Variants in RBFOX1 observed in about 807,000 individuals in gnomAD.
RBFOX1 encodes the protein RNA binding protein fox-1 homolog 1.
A neutral mutation model predicts 57.7 loss-of-function variants in RBFOX1; 8 were observed. The observed-to-expected ratio is 0.14, with a 90% CI of 0.08 to 0.25. The LOEUF (loss-of-function observed/expected upper bound fraction) is 0.25, where lower values mean the gene tolerates loss of function less well. RBFOX1 is among the 10% of genes least tolerant of loss of function. The pLI, the probability that RBFOX1 is intolerant of heterozygous loss-of-function variation, is 1.00. For missense variants in RBFOX1, 611 were observed against 548.5 expected, an observed-to-expected ratio of 1.11 and a Z score of -1.14; for synonymous variants, 326 against 222.4, an observed-to-expected ratio of 1.47 and a Z score of -4.15.
chr16:7,425,852 T>C (rs1598148665), intron 4 of RBFOX1, among the ~76,000 whole-genome samples: 1 of 152,228 alleles, frequency 6.6e-6, no homozygotes, highest in Non-Finnish European at 1.5e-5. Context: ...AATTTGTTTC[T>C]ATTTTACATG....
chr16:6,454,480 C>A (rs2094710493), intron 2 of RBFOX1, among the ~76,000 whole-genome samples: 1 of 152,088 alleles, frequency 6.6e-6, no homozygotes, highest in Non-Finnish European at 1.5e-5. Flanking sequence ...TCACCTGAGC[C>A]TGGGGAGATC....
At chr16:5,883,496 A>G (rs1281444407) in intron 4 of RBFOX1, among the ~76,000 whole-genome samples, 2 of 144,896 alleles carry the variant, frequency 1.4e-5, no homozygotes, top group Non-Finnish European at 3.0e-5. Context: ...TCTCGGAGGA[A>G]CCTGCAATCC....
chr16:7,298,294 T>TG (rs202232705), intron 4 of RBFOX1, among the ~76,000 whole-genome samples: 3,517 of 147,314 alleles, frequency 0.024, 60 homozygotes, highest in Non-Finnish European at 0.038. Context: ...TGTTTTTTTT[T>TG]TTTTTTTTTT....
intron 4 of RBFOX1, among the ~76,000 whole-genome samples, chr16:7,309,613 G>A (rs527918802): frequency 3.3e-5 from 5 of 152,144 alleles, no homozygotes; most frequent in Admixed American, 6.5e-5. Context: ...ATGGACTGAG[G>A]GTAGACAGTC....
At position 5,300,893 on chromosome 16, in the gene RBFOX1, A is replaced by G. The variant is rs771336738; in HGVS notation, c.219+60788A>G. 7.7e-4 allele frequency among the ~76,000 whole-genome samples: 117 copies of G among 152,230 alleles called. 1 individual carries two copies. The highest frequency in any genetic ancestry group is 1.3e-3 in the Non-Finnish European group (90 of 68,010). ...TGATGTCCTCTCTTTAATTGCTGGA[A>G]TTAGTAATTTGTGTGTTTCTTTCTG... On this transcript the variant is annotated intron_variant, in intron 1 of 2. Transcript: ENST00000585867.
At chr16:6,266,946 G>A (rs549903389) in intron 1 of RBFOX1, among the ~76,000 whole-genome samples, 1 of 152,098 alleles carries the variant, frequency 6.6e-6, no homozygotes, top group Non-Finnish European at 1.5e-5. Context: ...CTTATGATTG[G>A]CATTCAGTAA....
chr16:6,879,083 A>G (rs1213434168), intron 3 of RBFOX1, among the ~76,000 whole-genome samples: 4 of 152,206 alleles, frequency 2.6e-5, no homozygotes, highest in African/African-American at 9.6e-5. Flanking sequence ...GTTTTCAGAA[A>G]GCCAATGAGC....
At chr16:6,364,499 G>C (rs913081723) in intron 2 of RBFOX1, among the ~76,000 whole-genome samples, 1 of 152,140 alleles carries the variant, frequency 6.6e-6, no homozygotes, top group African/African-American at 2.4e-5. Flanking sequence ...TCTGTTCTCT[G>C]TTGGTCCCTG....
intron 3 of RBFOX1, among the ~76,000 whole-genome samples, chr16:6,702,849 A>T (rs1317504855): frequency 6.6e-6 from 1 of 152,206 alleles, no homozygotes; most frequent in East Asian, 1.9e-4. Context: ...TTGTTGTGCG[A>T]CCATCACCAC....
chr16:5,340,796 A>G (rs757443582), intron 1 of RBFOX1, among the ~76,000 whole-genome samples: 25 of 152,226 alleles, frequency 1.6e-4, no homozygotes, highest in Non-Finnish European at 3.2e-4. Context: ...AGACAGATCA[A>G]TTTCCTATTC....
chr16:7,210,889 A>G (rs2090992412), intron 4 of RBFOX1, among the ~76,000 whole-genome samples: 1 of 152,072 alleles, frequency 6.6e-6, no homozygotes, highest in Non-Finnish European at 1.5e-5. Flanking sequence ...CCAAAAGGGT[A>G]GATTCTAGGT....
intron 4 of RBFOX1, among the ~76,000 whole-genome samples, chr16:7,094,615 C>T (rs1298288878): frequency 1.5e-5 from 2 of 136,314 alleles, no homozygotes; most frequent in Non-Finnish European, 3.1e-5. Context: ...GGGACTCCTG[C>T]ATTTCTTTTG....
chr16:5,908,330 A>ATGTGTG (rs1417978341), intron 4 of RBFOX1, among the ~76,000 whole-genome samples: 12 of 138,274 alleles, frequency 8.7e-5, no homozygotes, highest in African/African-American at 3.2e-4. Context: ...ACACATATAT[A>ATGTGTG]TATGTGTGTG....
At chr16:6,360,732 G>A (rs1043881335) in intron 2 of RBFOX1, among the ~76,000 whole-genome samples, 3 of 152,110 alleles carry the variant, frequency 2.0e-5, no homozygotes, top group Non-Finnish European at 2.9e-5. Flanking sequence ...ATGTATGCTC[G>A]AATGTTAAGA....
intron 2 of RBFOX1, among the ~76,000 whole-genome samples, chr16:5,496,347 C>G (rs1004929597): frequency 6.6e-6 from 1 of 152,122 alleles, no homozygotes. Flanking sequence ...ATTTGGGGAC[C>G]TCCCTTAGCC....
intron 4 of RBFOX1, among the ~76,000 whole-genome samples, chr16:7,067,387 G>C (rs1431038188): frequency 6.6e-6 from 1 of 151,220 alleles, no homozygotes; most frequent in Non-Finnish European, 1.5e-5. Context: ...GAATCTCACT[G>C]AAGTAAAACT....
intron 3 of RBFOX1, among the ~76,000 whole-genome samples, chr16:6,934,830 A>T (rs535621119): frequency 1.3e-5 from 2 of 152,120 alleles, no homozygotes; most frequent in African/African-American, 4.8e-5. Flanking sequence ...TCCTGCAGGT[A>T]ATCCCAGCAC....
At chr16:6,410,175 TG>T (rs2093412649) in intron 2 of RBFOX1, among the ~76,000 whole-genome samples, 1 of 48,448 alleles carries the variant, frequency 2.1e-5, no homozygotes, top group Non-Finnish European at 5.9e-5. Context: ...AGGCTGTGTG[TG>T]TGTGTGTGTG....
chr16:7,520,325 G>A (rs150620235), intron 5 of RBFOX1, among the ~76,000 whole-genome samples: 1 of 152,084 alleles, frequency 6.6e-6, no homozygotes, highest in Non-Finnish European at 1.5e-5. Context: ...ATAGCATTCA[G>A]TGTATTCACA....
Sources: gnomAD v4.1 joint callset for allele counts (sites outside exome capture counted in the v4.1 genomes callset) on GRCh38, gnomAD v4.1.1 for gene constraint, MANE v1.5 for transcripts, NCBI Gene and HGNC (gene_info 2026-07-23, HGNC 2026-07-21) for gene names.